Variants in PORCN observed in about 807,000 individuals in gnomAD.
PORCN encodes the protein porcupine O-acyltransferase.
PORCN carries 1 observed loss-of-function variant against 43.0 expected under a neutral mutation model. The observed-to-expected ratio is 0.02, with a 90% CI of 0.01 to 0.11. The LOEUF (loss-of-function observed/expected upper bound fraction) is 0.11, where lower values mean the gene tolerates loss of function less well. PORCN is among the 10% of genes least tolerant of loss of function. The probability of loss-of-function intolerance (pLI) is 1.00; values close to 1 mark genes in which losing one functional copy is unlikely to be tolerated. For missense variants in PORCN, 240 were observed against 392.1 expected, an observed-to-expected ratio of 0.61 and a Z score of 3.28; for synonymous variants, 148 against 166.4, an observed-to-expected ratio of 0.89 and a Z score of 0.85.
At chrX:48,514,408 A>G (rs782508840) in intron 9 of PORCN, 43 bp downstream of exon 9, 1 of 1,199,859 alleles carries the variant, frequency 8.3e-7, no homozygotes, top group Non-Finnish European at 1.1e-6. Flanking sequence ...GGTGCTGCCT[A>G]GAGGAGCTGC....
In PORCN at chrX:48,515,357, G is replaced by A. The variant is rs2061708114; in HGVS notation, c.947-360G>A. Reference sequence around the variant, plus strand: ...TGCCATCATCCAGGCCAGTGATGGTGGTGGTGGCAGTGGATGTGGAGAGGA... The same window carrying A: ...TGCCATCATCCAGGCCAGTGATGGTAGTGGTGGCAGTGGATGTGGAGAGGA... On this transcript the variant is annotated intron_variant, in intron 10 of 14. Coordinates refer to ENST00000326194, the MANE Select transcript of PORCN (RefSeq NM_203475.3). 5.0e-5 allele frequency: 15 copies of A among 297,357 alleles called. No homozygotes were observed. In the South Asian group the frequency reaches 5.6e-4, roughly 11 times the overall value. The allele number at this position is 297,357 out of a possible 1,213,427, so 24.5% of individuals were successfully genotyped here. A position where few individuals can be genotyped will look rare whatever the true frequency, so the allele number is the denominator to read the frequency against.
intron 1 of PORCN, 174 bp from the exon 2 acceptor site, chrX:48,509,610 C>T: frequency 3.5e-6 from 4 of 1,134,334 alleles, no homozygotes; most frequent in Non-Finnish European, 4.7e-6. Flanking sequence ...CACATGCACA[C>T]AGTTGGTGGC....
chrX:48,520,586 C>T lies in PORCN; in HGVS notation c.*110C>T. On this transcript the variant is annotated 3_prime_UTR_variant, in exon 15 of 15. Coordinates refer to ENST00000326194, the MANE Select transcript of PORCN (RefSeq NM_203475.3). ...TCCTTGACCCCCTCCATCCTTGACC[C>T]CCAACACCTCAACACACACACACAC... 1.9e-6 allele frequency: 1 copy of T among 539,821 alleles called. No homozygotes were observed. The highest frequency in any genetic ancestry group is 3.2e-6 in the Non-Finnish European group (1 of 307,800). 44.5% of individuals were successfully genotyped at this position (539,821 alleles called of 1,213,427 possible).
chrX:48,515,690 T>G (rs1473734644), intron 10 of PORCN, 27 bp from the exon 11 acceptor site: 2 of 1,183,187 alleles, frequency 1.7e-6, no homozygotes, highest in Non-Finnish European at 2.3e-6. Flanking sequence ...TTCAGGAGAA[T>G]TTTATCCCAC....
In PORCN at chrX:48,517,307, C is replaced by G; in HGVS notation, c.1284+14C>G. 1 of 1,104,490 alleles carries G rather than the reference C, an allele frequency of 9.1e-7. No individual in the cohort carries two copies. Among genetic ancestry groups the G allele is most frequent in the Non-Finnish European group, 1.2e-6 (1 of 815,797 alleles). 91.0% of individuals were successfully genotyped at this position (1,104,490 alleles called of 1,213,427 possible). A position where few individuals can be genotyped will look rare whatever the true frequency, so the allele number is the denominator to read the frequency against. On this transcript the variant is annotated intron_variant, in intron 14 of 14. Transcript: ENST00000326194. ...ACAGAGGAGCAGGTGAGGTGGGGCC[C>G]TGGGCTGTGTGGTTAACCAAGGGTG...
intron 14 of PORCN, among the ~76,000 whole-genome samples, chrX:48,518,465 C>T (rs1395913552): frequency 1.8e-5 from 2 of 111,753 alleles, no homozygotes; most frequent in Non-Finnish European, 3.8e-5. Flanking sequence ...AGGTGATCCA[C>T]CCGCCTCAGC....
intron 10 of PORCN, 41 bp from the exon 11 acceptor site, chrX:48,515,676 G>A (rs1556975079): frequency 5.4e-6 from 6 of 1,110,522 alleles, no homozygotes; most frequent in Non-Finnish European, 7.5e-6. Flanking sequence ...GGGGCTGGGG[G>A]ACTTTCAGGA....
intron 9 of PORCN, 34 bp downstream of exon 9, chrX:48,514,399 G>T: frequency 2.5e-6 from 3 of 1,202,176 alleles, no homozygotes; most frequent in Non-Finnish European, 3.4e-6. Flanking sequence ...CTCCCACAGG[G>T]TGCTGCCTAG....
At chrX:48,513,429 G>A (rs1424884459) in intron 7 of PORCN, among the ~76,000 whole-genome samples, 1 of 112,131 alleles carries the variant, frequency 8.9e-6, no homozygotes, top group Non-Finnish European at 1.9e-5. Flanking sequence ...TAGCTGAGGG[G>A]TTGTACCCGA....
chrX:48,517,280 C>A lies in PORCN; in HGVS notation c.1271C>A (p.Thr424Asn), dbSNP rs1180443918. 28 of 1,154,560 alleles carry A rather than the reference C, an allele frequency of 2.4e-5. No homozygotes were observed. The highest frequency in any genetic ancestry group is 3.0e-5 in the Non-Finnish European group (26 of 861,840). Residue 424 changes from threonine (T) to asparagine (N), a missense_variant, in exon 14 of 15, where the codon ACC (threonine) becomes AAC (asparagine). Transcript: ENST00000326194. ...CTGTTTGATGTCGATGTGGATGACACCACAGAGGAGCAGGTGAGGTGGGGC... is the reference window on the plus strand; with the variant it reads ...CTGTTTGATGTCGATGTGGATGACAACACAGAGGAGCAGGTGAGGTGGGGC... ...GSLFDVDVDD[T>N]TEEQGYGMAY...
rs1242718081 is a variant in PORCN, at chrX:48,515,598, C to T, written c.947-119C>T. ...TTGGGCATGTGAAGTTTGAGGCCATCTAAGGACTTTATCCTGGGGGCTCCA... is the reference window on the plus strand; with the variant it reads ...TTGGGCATGTGAAGTTTGAGGCCATTTAAGGACTTTATCCTGGGGGCTCCA... On this transcript the variant is annotated intron_variant, in intron 10 of 14. Transcript: ENST00000326194. The T allele has an allele frequency of 2.9e-5, 17 of 585,054 alleles. No homozygotes were observed. In the Admixed American group the frequency reaches 3.5e-4, roughly 12 times the overall value. The allele number at this position is 585,054 out of a possible 1,213,427, so 48.2% of individuals were successfully genotyped here. A position where few individuals can be genotyped will look rare whatever the true frequency, so the allele number is the denominator to read the frequency against.
chrX:48,509,679 AC>A, intron 1 of PORCN, 104 bp from the exon 2 acceptor site: 1 of 1,155,674 alleles, frequency 8.7e-7, no homozygotes, highest in Non-Finnish European at 1.2e-6. Flanking sequence ...CCGTGCCTCT[AC>A]ATGGGCTGGG....
intron 13 of PORCN, among the ~76,000 whole-genome samples, chrX:48,516,458 G>A (rs2061718337): frequency 8.9e-6 from 1 of 111,791 alleles, no homozygotes; most frequent in Non-Finnish European, 1.9e-5. Context: ...TTTTAACCGG[G>A]CAGACAGTAG....
chrX:48,512,057 G>T (rs933753566), intron 4 of PORCN, 122 bp downstream of exon 4: 2 of 604,080 alleles, frequency 3.3e-6, no homozygotes, highest in Non-Finnish European at 5.6e-6. Context: ...CCCACTGGAC[G>T]TGCAGACCTC....
chrX:48,512,235 C>G, intron 4 of PORCN, 91 bp from the exon 5 acceptor site: 1 of 1,069,442 alleles, frequency 9.4e-7, no homozygotes, highest in Non-Finnish European at 1.3e-6. Context: ...CTTGTGCCCG[C>G]TTTTCCTACC....
chrX:48,515,164 A>G (rs975206430), intron 10 of PORCN, among the ~76,000 whole-genome samples: 1 of 112,435 alleles, frequency 8.9e-6, no homozygotes, highest in Non-Finnish European at 1.9e-5. Flanking sequence ...GGAGGGCCTC[A>G]TGGGCCATGG....
At chrX:48,520,340 G>C in intron 14 of PORCN, 35 bp from the exon 15 acceptor site, 1 of 1,086,878 alleles carries the variant, frequency 9.2e-7, no homozygotes, top group Non-Finnish European at 1.3e-6. Context: ...CTTTGTCCTT[G>C]CTAAGTGGGA....
At chrX:48,512,932 G>A in intron 7 of PORCN, 80 bp downstream of exon 7, 2 of 1,095,695 alleles carry the variant, frequency 1.8e-6, no homozygotes, top group Admixed American at 4.4e-5. Flanking sequence ...TGGGTTCTGT[G>A]TGTCCAAGTG....
intron 7 of PORCN, among the ~76,000 whole-genome samples, chrX:48,513,514 A>G (rs2061691269): frequency 9.0e-6 from 1 of 111,684 alleles, no homozygotes; most frequent in Non-Finnish European, 1.9e-5. Context: ...CTTTGGTTGT[A>G]TGGCCCCTCC....
Sources: gnomAD v4.1 joint callset for allele counts (sites outside exome capture counted in the v4.1 genomes callset) on GRCh38, gnomAD v4.1.1 for gene constraint, MANE v1.5 for transcripts, NCBI Gene and HGNC (gene_info 2026-07-23, HGNC 2026-07-21) for gene names.